The following SAFB variants were observed in gnomAD, a reference collection of about 807,000 sequenced individuals.
The protein encoded by SAFB is scaffold attachment factor B1.
In SAFB, 15 loss-of-function variants were observed where a neutral mutation model predicts 101.6. The observed-to-expected ratio is 0.15, with a 90% CI of 0.10 to 0.23. The LOEUF (loss-of-function observed/expected upper bound fraction) is 0.23. Ranked by LOEUF, SAFB falls within the 10% of genes least tolerant of loss-of-function variation. The pLI, the probability that SAFB is intolerant of heterozygous loss-of-function variation, is 1.00. For synonymous variants in SAFB, 449 were observed against 407.5 expected, an observed-to-expected ratio of 1.10 and a Z score of -1.23; for missense variants, 930 against 1,104.1, an observed-to-expected ratio of 0.84 and a Z score of 2.23.
chr19:5,648,819 C>T lies in SAFB; in HGVS notation c.638-170C>T, dbSNP rs888725156. ...GAGGCTTACCTAGAGGCGGTCGCGGCGCAGGTAGTGTAACCAGTATAACTT... is the reference window on the plus strand; with the variant it reads ...GAGGCTTACCTAGAGGCGGTCGCGGTGCAGGTAGTGTAACCAGTATAACTT... On this transcript the variant is annotated intron_variant, in intron 6 of 20. Transcript: ENST00000588852. 9.9e-6 allele frequency: 6 copies of T among 605,746 alleles called. No individual in the cohort carries two copies. In the Admixed American group the frequency reaches 1.2e-4, roughly 12 times the overall value. 37.5% of individuals were successfully genotyped at this position (605,746 alleles called of 1,614,324 possible).
intron 6 of SAFB, 139 bp downstream of exon 6, chr19:5,648,182 A>T (rs2053864888): frequency 4.3e-6 from 3 of 705,730 alleles, no homozygotes; most frequent in Non-Finnish European, 7.0e-6. Context: ...TCCAAAACCT[A>T]CCAGGATCAT....
chr19:5,658,553 A>C (rs2054117542), intron 14 of SAFB, among the ~76,000 whole-genome samples: 1 of 151,916 alleles, frequency 6.6e-6, no homozygotes, highest in Admixed American at 6.6e-5. Flanking sequence ...TTAGCTGGGC[A>C]TGTAGGCCAG....
At chr19:5,624,991 C>T (rs867379535) in intron 1 of SAFB, among the ~76,000 whole-genome samples, 50 of 152,162 alleles carry the variant, frequency 3.3e-4, no homozygotes, top group African/African-American at 1.0e-3. Context: ...TGAAAAGCTG[C>T]TGTGATCTTC....
At chr19:5,661,376 C>A in intron 14 of SAFB, 142 bp from the exon 15 acceptor site, 2 of 1,444,908 alleles carry the variant, frequency 1.4e-6, no homozygotes, top group East Asian at 2.4e-5. Flanking sequence ...AAGCCTTCTT[C>A]CCGCTGGAGT....
At position 5,653,388 on chromosome 19, in the gene SAFB, C is replaced by CG; in HGVS notation, c.1497dup (p.Lys500GlufsTer9). 1 of 1,614,056 alleles carries CG rather than the reference C, an allele frequency of 6.2e-7. No individual in the cohort carries two copies. The highest frequency in any genetic ancestry group is 8.5e-7 in the Non-Finnish European group (1 of 1,180,002). Reference sequence around the variant, plus strand: ...AAACCTCTGACAAAAGAGACAGTGACGGGAAAAAGGAGAAGTCGAGCAACA... The same window carrying CG: ...AAACCTCTGACAAAAGAGACAGTGACGGGGAAAAAGGAGAAGTCGAGCAACA... On this transcript the variant is annotated frameshift_variant, in exon 11 of 21. Transcript: ENST00000588852. LOFTEE classifies it high-confidence loss of function.
At position 5,667,270 on chromosome 19, in the gene SAFB, C is replaced by CT. The variant is rs2054352649; in HGVS notation, c.2454-76dup. 6.1e-6 allele frequency: 8 copies of CT among 1,303,014 alleles called. No homozygotes were observed. Among genetic ancestry groups the CT allele is most frequent in the Non-Finnish European group, 8.3e-6 (8 of 959,240 alleles). 80.7% of individuals were successfully genotyped at this position (1,303,014 alleles called of 1,614,324 possible). A position where few individuals can be genotyped will look rare whatever the true frequency, so the allele number is the denominator to read the frequency against. On this transcript the variant is annotated intron_variant, in intron 18 of 20. Transcript: ENST00000588852. This position sits in a 1 kb window ranked among gnomAD's most constrained non-coding sequence, Gnocchi z 4.0. The stretch of plus-strand genomic sequence containing the variant: ...GGTGGGAAACACAGAGGGATTCACT[C>CT]TCCAGAAGCCGCCACAGTTATTAGC...
intron 11 of SAFB, 120 bp from the exon 12 acceptor site, chr19:5,653,941 A>T: frequency 3.7e-6 from 3 of 802,702 alleles, no homozygotes; most frequent in Non-Finnish European, 6.0e-6. Flanking sequence ...GGGTTTCACC[A>T]TGTTGGCCAG....
chr19:5,633,165 ATTGT>A (rs1002773673), intron 2 of SAFB, among the ~76,000 whole-genome samples: 3 of 151,942 alleles, frequency 2.0e-5, no homozygotes, highest in Non-Finnish European at 4.4e-5. Flanking sequence ...TAATTTTGTT[ATTGT>A]TTGTTTATTA....
intron 2 of SAFB, among the ~76,000 whole-genome samples, chr19:5,638,442 C>CG (rs971700079): frequency 5.3e-5 from 8 of 152,010 alleles, no homozygotes; most frequent in African/African-American, 1.9e-4. Context: ...CGTCAACCCC[C>CG]CCACCGAGTA....
At chr19:5,642,649 TTC>T (rs2053744016) in intron 4 of SAFB, among the ~76,000 whole-genome samples, 1 of 133,668 alleles carries the variant, frequency 7.5e-6, no homozygotes, top group Non-Finnish European at 1.6e-5. Flanking sequence ...TGCCCTTCCT[TTC>T]TTTTTTTTTT....
In SAFB at chr19:5,654,399, G is replaced by A. The variant is rs767237332; in HGVS notation, c.1698G>A (p.Met566Ile). The A allele has an allele frequency of 3.1e-6, 5 of 1,613,608 alleles. No homozygotes were observed. In the African/African-American group the frequency reaches 4.0e-5, roughly 13 times the overall value. ...GSRGTERTVV[M>I]DKSKGVPVIS... ...GAGGGACCGAACGGACTGTAGTAAT[G>A]GATAAATCCAAAGGGGTGCCTGTGA... is the stretch of plus-strand genomic sequence containing the variant. The change falls in exon 13 of 21, where the codon ATG becomes ATA. Residue 566 changes from methionine (M) to isoleucine (I), a missense_variant. Met to Ile is a conservative substitution (Grantham distance 10). Around this residue, in one of 7 missense-constraint regions of SAFB, gnomAD observed 159 missense variants for 234.1 expected, o/e 0.68. Coordinates refer to ENST00000588852, the MANE Select transcript of SAFB (RefSeq NM_001201338.2).
chr19:5,628,806 C>T (rs2053424723), intron 2 of SAFB, among the ~76,000 whole-genome samples: 1 of 152,186 alleles, frequency 6.6e-6, no homozygotes, highest in African/African-American at 2.4e-5. Context: ...TCTGCCAAGG[C>T]AAAGAGTCCT....
intron 17 of SAFB, chr19:5,666,018 C>T (rs2054320256): frequency 6.6e-6 from 1 of 152,168 alleles, no homozygotes; most frequent in Admixed American, 6.6e-5. Context: ...CAGAGCTCTC[C>T]GTTGAACGGG....
intron 9 of SAFB, among the ~76,000 whole-genome samples, chr19:5,652,688 C>T (rs1325427447): frequency 6.6e-6 from 1 of 152,156 alleles, no homozygotes; most frequent in African/African-American, 2.4e-5. Flanking sequence ...AGTTCCAGAG[C>T]ACGGCTCACA....
chr19:5,636,738 C>G (rs985094613), intron 2 of SAFB, among the ~76,000 whole-genome samples: 4 of 151,836 alleles, frequency 2.6e-5, no homozygotes, highest in Non-Finnish European at 4.4e-5. Context: ...GAGACAGGGT[C>G]TGACTCTGTC....
chr19:5,631,759 T>C (rs568381731), intron 2 of SAFB, among the ~76,000 whole-genome samples: 1 of 152,308 alleles, frequency 6.6e-6, no homozygotes, highest in South Asian at 2.1e-4. Context: ...AAAATAATTA[T>C]CAGGGGCTGT....
intron 1 of SAFB, among the ~76,000 whole-genome samples, chr19:5,624,814 C>G (rs770455197): frequency 6.6e-6 from 1 of 151,476 alleles, no homozygotes; most frequent in Admixed American, 6.6e-5. Flanking sequence ...ATTCTCTTTA[C>G]TCAGATAAGG....
intron 15 of SAFB, among the ~76,000 whole-genome samples, chr19:5,662,609 A>G (rs1475613249): frequency 6.6e-6 from 1 of 151,346 alleles, no homozygotes; most frequent in African/African-American, 2.4e-5. Flanking sequence ...AGAGCGCCAC[A>G]CGTGCCCTAC....
At position 5,667,594 on chromosome 19, in the gene SAFB, C is replaced by G; in HGVS notation, c.2557+144C>G. Reference sequence around the variant, plus strand: ...GAATGAAGAGCACTCCAGACACCGCCTGCTCTCTGGTGGTCTGGCCCAGGA... The same window carrying G: ...GAATGAAGAGCACTCCAGACACCGCGTGCTCTCTGGTGGTCTGGCCCAGGA... On this transcript the variant is annotated intron_variant, in intron 19 of 20. Transcript: ENST00000588852. The surrounding 1 kb of genome is among the most constrained non-coding windows in gnomAD (Gnocchi z 4.0). 1.4e-6 allele frequency: 1 copy of G among 713,690 alleles called. No individual in the cohort carries two copies. Among genetic ancestry groups the G allele is most frequent in the South Asian group, 1.8e-5 (1 of 54,894 alleles). The allele number at this position is 713,690 out of a possible 1,614,324, so 44.2% of individuals were successfully genotyped here. A position where few individuals can be genotyped will look rare whatever the true frequency, so the allele number is the denominator to read the frequency against.
Sources: allele counts gnomAD v4.1 joint callset (sites outside exome capture counted in the v4.1 genomes callset), GRCh38; gene constraint gnomAD v4.1.1; regional missense constraint gnomAD v4.1.1; non-coding constraint Gnocchi (gnomAD v3.1); transcripts MANE v1.5; gene names NCBI Gene and HGNC (gene_info 2026-07-23, HGNC 2026-07-21).